The following PCNX2 variants were observed in gnomAD, a reference collection of about 807,000 sequenced individuals.
PCNX2 encodes the protein pecanex 2, also known as pecanex-like protein 2.
A neutral mutation model predicts 223.8 loss-of-function variants in PCNX2; 168 were observed. The ratio of observed to expected loss-of-function variants is 0.75; its 90% confidence interval spans 0.66 to 0.85. PCNX2 has a LOEUF of 0.85. Among genes scored for constraint, PCNX2 ranks in the 40% least tolerant of loss-of-function variants. The pLI is 0.00. For missense variants in PCNX2, 2,507 were observed against 2,675.5 expected, an observed-to-expected ratio of 0.94 and a Z score of 1.39; for synonymous variants, 1,006 against 1,052.6, an observed-to-expected ratio of 0.96 and a Z score of 0.86.
At position 233,200,222 on chromosome 1, in the gene PCNX2, A is replaced by C; in HGVS notation, c.2906T>G (p.Phe969Cys). ...CFPAISLLGL[F>C]PQINTFCTYL... ...AGTGCAGAAAGTGTTGATTTGCGGG[A>C]AGAGCCCAAGGAGGGAAATAGCAGG... Residue 969 changes from phenylalanine to cysteine, a missense_variant, in exon 14 of 34, where the codon TTC (phenylalanine) becomes TGC (cysteine). Transcript: ENST00000258229. 9 of 1,592,482 alleles carry C rather than the reference A, an allele frequency of 5.7e-6. No individual in the cohort carries two copies. Among genetic ancestry groups the C allele is most frequent in the Non-Finnish European group, 7.7e-6 (9 of 1,168,998 alleles).
At chr1:233,069,389 C>A (rs1672752433) in intron 23 of PCNX2, among the ~76,000 whole-genome samples, 1 of 152,120 alleles carries the variant, frequency 6.6e-6, no homozygotes, top group African/African-American at 2.4e-5. Flanking sequence ...ACACTCCACC[C>A]AACAATGGTA....
At chr1:233,035,615 A>G (rs1671428260) in intron 25 of PCNX2, among the ~76,000 whole-genome samples, 1 of 152,208 alleles carries the variant, frequency 6.6e-6, no homozygotes, top group African/African-American at 2.4e-5. Context: ...ACATTCTTAG[A>G]CATAGATAGA....
intron 1 of PCNX2, among the ~76,000 whole-genome samples, chr1:233,267,999 C>T (rs539018636): frequency 2.0e-5 from 3 of 152,188 alleles, no homozygotes; most frequent in Non-Finnish European, 2.9e-5. Context: ...GCAATCTCTG[C>T]GTCCCGAGTT....
At chr1:233,202,364 C>A in intron 13 of PCNX2, 1 of 269,036 alleles carries the variant, frequency 3.7e-6, no homozygotes, top group Admixed American at 5.4e-5. Flanking sequence ...AAACTTCTGG[C>A]ACAGTTCCAT....
intron 23 of PCNX2, among the ~76,000 whole-genome samples, chr1:233,067,868 T>C (rs556838319): frequency 6.6e-6 from 1 of 152,184 alleles, no homozygotes; most frequent in East Asian, 1.9e-4. Flanking sequence ...GACTGCTGTC[T>C]GCAATCTGAA....
chr1:233,197,488 A>G (rs1680804628), intron 15 of PCNX2, among the ~76,000 whole-genome samples: 1 of 152,190 alleles, frequency 6.6e-6, no homozygotes, highest in Admixed American at 6.5e-5. Context: ...AACATAAGTC[A>G]AAAGAAAGAA....
intron 1 of PCNX2, among the ~76,000 whole-genome samples, chr1:233,263,532 T>C (rs1046432300): frequency 1.9e-4 from 28 of 149,630 alleles, no homozygotes; most frequent in African/African-American, 6.6e-4. Flanking sequence ...CTCGGCTCAC[T>C]GCAACCTCCG....
At chr1:233,196,928 TG>T (rs1680772089) in intron 15 of PCNX2, among the ~76,000 whole-genome samples, 1 of 152,126 alleles carries the variant, frequency 6.6e-6, no homozygotes, top group Non-Finnish European at 1.5e-5. Context: ...TACTTCTGGA[TG>T]GGGGAACAGT....
At chr1:233,005,054 A>G (rs1003119104) in intron 28 of PCNX2, among the ~76,000 whole-genome samples, 1 of 152,234 alleles carries the variant, frequency 6.6e-6, no homozygotes, top group Non-Finnish European at 1.5e-5. Context: ...AGGCTTCGAA[A>G]CATGAATAAT....
intron 25 of PCNX2, among the ~76,000 whole-genome samples, chr1:233,046,531 A>T (rs1671826814): frequency 6.6e-6 from 1 of 152,190 alleles, no homozygotes; most frequent in African/African-American, 2.4e-5. Context: ...ACTGGGTTTA[A>T]AAAAAGGTAT....
intron 25 of PCNX2, among the ~76,000 whole-genome samples, chr1:233,052,677 G>A (rs1274804137): frequency 6.6e-6 from 1 of 152,092 alleles, no homozygotes; most frequent in Non-Finnish European, 1.5e-5. Flanking sequence ...TCTTAAGGTG[G>A]GGGCTTCATT....
intron 16 of PCNX2, 150 bp downstream of exon 16, chr1:233,178,916 C>T (rs1176196728): frequency 5.3e-6 from 3 of 569,422 alleles, no homozygotes; most frequent in South Asian, 3.0e-5. Context: ...TTCTCCTTCC[C>T]TCCTCTAGTG....
intron 23 of PCNX2, among the ~76,000 whole-genome samples, chr1:233,084,225 T>A (rs1235597585): frequency 6.6e-6 from 1 of 152,200 alleles, no homozygotes; most frequent in East Asian, 1.9e-4. Flanking sequence ...GCACAAAGCC[T>A]GTGCTTTCTG....
intron 19 of PCNX2, among the ~76,000 whole-genome samples, chr1:233,158,635 A>T (rs538514562): frequency 7.1e-4 from 108 of 152,338 alleles, no homozygotes; most frequent in South Asian, 1.7e-3. Flanking sequence ...AAAAGTAAAA[A>T]TATAAGGAAA....
chr1:233,232,778 C>T (rs1658147111), intron 9 of PCNX2: 1 of 982,994 alleles, frequency 1.0e-6, no homozygotes, highest in South Asian at 4.7e-5. Flanking sequence ...AACAGTCAGC[C>T]AGGCCTAGCA....
rs1055239256 is a variant in PCNX2, at chr1:233,160,351, T to C, written c.3449A>G (p.His1150Arg). 6.2e-7 allele frequency: 1 copy of C among 1,613,646 alleles called. No homozygotes were observed. Among genetic ancestry groups the C allele is most frequent in the Non-Finnish European group, 8.5e-7 (1 of 1,179,708 alleles). The change falls in exon 19 of 34, where the codon CAT becomes CGT. Residue 1150 changes from histidine to arginine, a missense_variant. His to Arg is a conservative substitution (Grantham distance 29). This residue lies in a region of PCNX2 where 1,372 missense variants were observed against 1,509.4 expected (regional missense o/e 0.91). Coordinates refer to ENST00000258229, the MANE Select transcript of PCNX2 (RefSeq NM_014801.4). Reference protein sequence around the residue: ...THYVLPQLRKHHPWMWISHPI... With the variant: ...THYVLPQLRKRHPWMWISHPI... ...GTGTGAAATCCACATCCAGGGATGA[T>C]GCTTGCGGAGCTGAGGGAGCACGTA...
At chr1:233,140,462 C>G (rs1471618292) in intron 19 of PCNX2, among the ~76,000 whole-genome samples, 1 of 152,210 alleles carries the variant, frequency 6.6e-6, no homozygotes, top group South Asian at 2.1e-4. Flanking sequence ...TTAGACCAAC[C>G]TGGGTTTGCA....
At chr1:233,315,137 G>A in the PCNX2 span, among the ~76,000 whole-genome samples, 2 of 152,128 alleles carry the variant, frequency 1.3e-5, no homozygotes, top group Admixed American at 6.6e-5. Context: ...AGATAAAGCA[G>A]CAACGGGAAT....
At chr1:233,112,870 T>C in intron 21 of PCNX2, 1 of 1,288,988 alleles carries the variant, frequency 7.8e-7, no homozygotes, top group Non-Finnish European at 1.0e-6. Context: ...GCAGAGGAGT[T>C]ACTAGCGTGT....
Sources: gnomAD v4.1 joint callset for allele counts (sites outside exome capture counted in the v4.1 genomes callset) on GRCh38, gnomAD v4.1.1 for gene constraint, gnomAD v4.1.1 regional missense constraint, MANE v1.5 for transcripts, NCBI Gene and HGNC (gene_info 2026-07-23, HGNC 2026-07-21) for gene names.